Variants in ANTKMT observed in about 807,000 individuals in gnomAD.
ANTKMT encodes the protein adenine nucleotide translocase lysine methyltransferase, also known as adenine nucleotide translocase lysine N-methyltransferase.
A neutral mutation model predicts 20.7 loss-of-function variants in ANTKMT; 24 were observed. The ratio of observed to expected loss-of-function variants is 1.16; its 90% CI spans 0.84 to 1.63. The LOEUF (loss-of-function observed/expected upper bound fraction) is 1.63. Among genes scored for constraint, ANTKMT ranks in the 40% most tolerant of loss-of-function variants. ANTKMT has a pLI of 0.00. For synonymous variants in ANTKMT, 193 were observed against 161.2 expected, an observed-to-expected ratio of 1.20 and a Z score of -1.49; for missense variants, 428 against 334.8, an observed-to-expected ratio of 1.28 and a Z score of -2.17.
rs2040291640 is a variant in ANTKMT, at chr16:722,520, C to T, written c.671C>T (p.Ala224Val). Residue 224 changes from alanine (A) to valine (V), a missense_variant, in exon 5 of 5, where the codon GCC becomes GTC. Transcript: ENST00000569529. ...PIQAAPGPSS[A>V]PIPGGLISQA... is the part of the protein sequence containing the mutation. Reference sequence around the variant, plus strand: ...CAGGCTGCCCCCGGACCTAGTTCTGCCCCCATCCCGGGGGGCCTTATTTCT... The same window carrying T: ...CAGGCTGCCCCCGGACCTAGTTCTGTCCCCATCCCGGGGGGCCTTATTTCT... 6.2e-7 allele frequency: 1 copy of T among 1,611,388 alleles called. No individual in the cohort carries two copies. Among genetic ancestry groups the T allele is most frequent in the East Asian group, 2.2e-5 (1 of 44,844 alleles).
Position 722,551 on chromosome 16 carries a change from C to T in ANTKMT, c.702C>T (p.Ala234=), listed in dbSNP as rs750648757. The T allele has an allele frequency of 1.2e-6, 2 of 1,603,862 alleles. No individual in the cohort carries two copies. Among genetic ancestry groups the T allele is most frequent in the East Asian group, 2.2e-5 (1 of 44,630 alleles). The part of the protein sequence containing the change: ...APIPGGLISQ[A]S ...TCCCGGGGGGCCTTATTTCTCAGGC[C>T]AGCTGAGTATTAGACACGATAAAGA... The change falls in exon 5 of 5, where the codon GCC becomes GCT. Residue 234 remains alanine (A), a synonymous_variant. Coordinates refer to ENST00000569529, the MANE Select transcript of ANTKMT (RefSeq NM_023933.3).
rs759342283 is a variant in ANTKMT at position 722,112 on chromosome 16, CTG to C, written c.441_442del (p.Phe148ProfsTer4). ...AGCCTGAGGGACTGCCGCAACGTGT[CTG>C]TGTTCCTGGCCCCTAGCGTGGTAGG... On this transcript the variant is annotated frameshift_variant, in exon 4 of 5. Transcript: ENST00000569529. LOFTEE classifies it low-confidence loss of function (END_TRUNC). The C allele has an allele frequency of 5.6e-6, 9 of 1,609,220 alleles. No individual in the cohort carries two copies. The highest frequency in any genetic ancestry group is 1.3e-5 in the African/African-American group (1 of 74,968).
intron 3 of ANTKMT, 35 bp downstream of exon 3, chr16:721,976 C>A: frequency 6.4e-7 from 1 of 1,559,116 alleles, no homozygotes; most frequent in Non-Finnish European, 8.6e-7. Flanking sequence ...CGCTGACAGC[C>A]CAAGGTGCGG....
intron 4 of ANTKMT, 46 bp from the exon 5 acceptor site, chr16:722,263 A>ACCGGCC (rs765305191): frequency 2.5e-6 from 4 of 1,587,366 alleles, no homozygotes; most frequent in East Asian, 2.3e-5. Context: ...GCTGTTTTCT[A>ACCGGCC]CCGGCCCCGC....
Position 721,264 on chromosome 16 carries a change from G to C in ANTKMT, c.-11G>C. On this transcript the variant is annotated 5_prime_UTR_variant, in exon 1 of 5. Transcript: ENST00000569529. ...AGGACCTTGGGCGGACGAGCCGCGCGTCCCGCAGCCATGGAGCAGGACGAC... is the reference window on the plus strand; with the variant it reads ...AGGACCTTGGGCGGACGAGCCGCGCCTCCCGCAGCCATGGAGCAGGACGAC... 7.9e-7 allele frequency: 1 copy of C among 1,270,016 alleles called. No individual in the cohort carries two copies. The highest frequency in any genetic ancestry group is 9.9e-7 in the Non-Finnish European group (1 of 1,007,544). The allele number at this position is 1,270,016 out of a possible 1,614,324, so 78.7% of individuals were successfully genotyped here. A position where few individuals can be genotyped will look rare whatever the true frequency, so the allele number is the denominator to read the frequency against.
chr16:722,569 G>T lies in ANTKMT; in HGVS notation c.*12G>T, dbSNP rs757422151. On this transcript the variant is annotated 3_prime_UTR_variant, in exon 5 of 5. Coordinates refer to ENST00000569529, the MANE Select transcript of ANTKMT (RefSeq NM_023933.3). ...CTCAGGCCAGCTGAGTATTAGACACGATAAAGACTCTGTGGGTTCTATCCT... is the reference window on the plus strand; with the variant it reads ...CTCAGGCCAGCTGAGTATTAGACACTATAAAGACTCTGTGGGTTCTATCCT... The T allele has an allele frequency of 1.6e-4, 226 of 1,372,264 alleles. No homozygotes were observed. Among genetic ancestry groups the T allele is most frequent in the Non-Finnish European group, 2.1e-4 (220 of 1,030,910 alleles). 85.0% of individuals were successfully genotyped at this position (1,372,264 alleles called of 1,614,324 possible).
rs763369945 is a variant in ANTKMT at position 721,391 on chromosome 16, G to T, written c.117G>T (p.Ala39=). The T allele has an allele frequency of 7.7e-7, 1 of 1,294,370 alleles. No individual in the cohort carries two copies. 80.2% of individuals were successfully genotyped at this position (1,294,370 alleles called of 1,614,324 possible). Residue 39 remains alanine (A), a synonymous_variant, in exon 1 of 5, where the codon GCG becomes GCT. Transcript: ENST00000569529. ...GCTTGGCAGCCTACGCGGTGTGGGCGCTGCTGCTCCAGCCCGGCTTCCGGC... is the reference window on the plus strand; with the variant it reads ...GCTTGGCAGCCTACGCGGTGTGGGCTCTGCTGCTCCAGCCCGGCTTCCGGC... The part of the protein sequence containing the change: ...GSGLAAYAVW[A]LLLQPGFRRV...
In ANTKMT at chr16:721,658, C is replaced by A; in HGVS notation, c.223C>A (p.Arg75Ser). The change falls in exon 2 of 5, where the codon CGC becomes AGC. Residue 75 changes from arginine (R) to serine (S), a missense_variant. Arg to Ser is a moderately radical substitution (Grantham distance 110, BLOSUM62 -1). Coordinates refer to ENST00000569529, the MANE Select transcript of ANTKMT (RefSeq NM_023933.3). The part of the protein sequence containing the change: ...VEHVLSLLRG[R>S]PGKTVDLGSG... ...GCACGTGTTGTCGCTGCTGCGAGGA[C>A]GCCCCGGAAAAACGGTGGATCTGGG... The A allele has an allele frequency of 6.4e-7, 1 of 1,550,728 alleles. No individual in the cohort carries two copies. Among genetic ancestry groups the A allele is most frequent in the South Asian group, 1.2e-5 (1 of 84,144 alleles).
chr16:721,635 A>C lies in ANTKMT; in HGVS notation c.200A>C (p.His67Pro). Residue 67 changes from histidine to proline, a missense_variant, in exon 2 of 5, where the codon CAC (histidine) becomes CCC (proline). By Grantham distance (77) the His-to-Pro change is moderately conservative (BLOSUM62 -2). Transcript: ENST00000569529. The stretch of plus-strand genomic sequence containing the variant: ...GGCGCGAGCGCGCGGCAGGTGGAGC[A>C]CGTGTTGTCGCTGCTGCGAGGACGC... ...YVGASARQVE[H>P]VLSLLRGRPG... 6.5e-7 allele frequency: 1 copy of C among 1,547,968 alleles called. No individual in the cohort carries two copies. The highest frequency in any genetic ancestry group is 8.7e-7 in the Non-Finnish European group (1 of 1,146,954).
Position 721,798 on chromosome 16 carries a change from C to T in ANTKMT, c.268-3C>T. The T allele has an allele frequency of 6.5e-7, 1 of 1,542,918 alleles. No individual in the cohort carries two copies. Among genetic ancestry groups the T allele is most frequent in the South Asian group, 1.2e-5 (1 of 83,706 alleles). ...CTGGTTCCCACACTCTCGGTGCCCA[C>T]AGGTGCTGGCGGCCCACAGGTGCGG... On this transcript the variant is annotated splice_region_variant and splice_polypyrimidine_tract_variant and intron_variant, in intron 2 of 4. Coordinates refer to ENST00000569529, the MANE Select transcript of ANTKMT (RefSeq NM_023933.3).
chr16:722,013 G>A lies in ANTKMT; in HGVS notation c.409-71G>A, dbSNP rs1320689291. ...TGACACCTGCGAGGGCTGGGGGCCG[G>A]GACTCGGAAGCTGCGATGACCCGGT... On this transcript the variant is annotated intron_variant, in intron 3 of 4. Transcript: ENST00000569529. 3.9e-6 allele frequency: 6 copies of A among 1,552,000 alleles called. No homozygotes were observed. In the Admixed American group the frequency reaches 9.6e-5, roughly 25 times the overall value.
At position 721,659 on chromosome 16, in the gene ANTKMT, G is replaced by A; in HGVS notation, c.224G>A (p.Arg75His). The A allele has an allele frequency of 6.4e-7, 1 of 1,550,708 alleles. No individual in the cohort carries two copies. The highest frequency in any genetic ancestry group is 8.7e-7 in the Non-Finnish European group (1 of 1,148,080). ...CACGTGTTGTCGCTGCTGCGAGGAC[G>A]CCCCGGAAAAACGGTGGATCTGGGC... ...VEHVLSLLRG[R>H]PGKTVDLGSG... is the part of the protein sequence containing the mutation. Residue 75 changes from arginine (R) to histidine (H), a missense_variant, in exon 2 of 5, where the codon CGC becomes CAC. By Grantham distance (29) the Arg-to-His change is conservative. Transcript: ENST00000569529.
In ANTKMT at chr16:721,446, G is replaced by A. The variant is rs1303803313; in HGVS notation, c.162+10G>A. On this transcript the variant is annotated intron_variant, in intron 1 of 4. Coordinates refer to ENST00000569529, the MANE Select transcript of ANTKMT (RefSeq NM_023933.3). ...GCCGCTGCGGCTGCAGGTGCGGGGC[G>A]GGGCCAGGCCGGGCAGGGGAGCTCG... 37 of 1,320,652 alleles carry A rather than the reference G, an allele frequency of 2.8e-5. No homozygotes were observed. The South Asian group carries it at 7.4e-4, about 26-fold the overall frequency. 81.8% of individuals were successfully genotyped at this position (1,320,652 alleles called of 1,614,324 possible). A position where few individuals can be genotyped will look rare whatever the true frequency, so the allele number is the denominator to read the frequency against.
At position 722,427 on chromosome 16, in the gene ANTKMT, G is replaced by T; in HGVS notation, c.578G>T (p.Arg193Leu). The change falls in exon 5 of 5, where the codon CGA (arginine) becomes CTA (leucine). Residue 193 changes from arginine (R) to leucine (L), a missense_variant. Coordinates refer to ENST00000569529, the MANE Select transcript of ANTKMT (RefSeq NM_023933.3). ...ACCGCGGTTGGCGAGGGCCTGGACC[G>T]AGTATGGGCTTATGATGTTCCTGAG... ...PVTAVGEGLD[R>L]VWAYDVPEGG... 6.2e-7 allele frequency: 1 copy of T among 1,608,658 alleles called. No homozygotes were observed. The highest frequency in any genetic ancestry group is 2.2e-5 in the East Asian group (1 of 44,686).
intron 4 of ANTKMT, 69 bp from the exon 5 acceptor site, chr16:722,240 G>A: frequency 6.3e-7 from 1 of 1,585,252 alleles, no homozygotes; most frequent in Non-Finnish European, 8.6e-7. Flanking sequence ...TTGGGGCTAG[G>A]GGGGTGAGCG....
In ANTKMT at chr16:721,365, G is replaced by C; in HGVS notation, c.91G>C (p.Gly31Arg). ...GCTGCTGCAGGCGGCGGCCGGCTCGGGCTTGGCAGCCTACGCGGTGTGGGC... is the reference window on the plus strand; with the variant it reads ...GCTGCTGCAGGCGGCGGCCGGCTCGCGCTTGGCAGCCTACGCGGTGTGGGC... The part of the protein sequence containing the change: ...LELLQAAAGS[G>R]LAAYAVWALL... The change falls in exon 1 of 5, where the codon GGC becomes CGC. Residue 31 changes from glycine (G) to arginine (R), a missense_variant. By Grantham distance (125) the Gly-to-Arg change is moderately radical. Coordinates refer to ENST00000569529, the MANE Select transcript of ANTKMT (RefSeq NM_023933.3). The C allele has an allele frequency of 7.5e-7, 1 of 1,333,724 alleles. No homozygotes were observed. The highest frequency in any genetic ancestry group is 3.7e-5 in the Admixed American group (1 of 26,692). The allele number at this position is 1,333,724 out of a possible 1,614,324, so 82.6% of individuals were successfully genotyped here.
Position 722,071 on chromosome 16 carries a change from T to C in ANTKMT, c.409-13T>C. The C allele has an allele frequency of 6.2e-7, 1 of 1,601,450 alleles. No homozygotes were observed. Among genetic ancestry groups the C allele is most frequent in the Non-Finnish European group, 8.5e-7 (1 of 1,176,446 alleles). On this transcript the variant is annotated splice_polypyrimidine_tract_variant and intron_variant, in intron 3 of 4. Coordinates refer to ENST00000569529, the MANE Select transcript of ANTKMT (RefSeq NM_023933.3). Reference sequence around the variant, plus strand: ...AGGCCTCTCCCCGGCCGGGGCGACTTCTCTTCCGGCAGGTGAGCCTGAGGG... The same window carrying C: ...AGGCCTCTCCCCGGCCGGGGCGACTCCTCTTCCGGCAGGTGAGCCTGAGGG...
intron 4 of ANTKMT, 85 bp downstream of exon 4, chr16:722,219 G>T: frequency 6.3e-7 from 1 of 1,586,328 alleles, no homozygotes. Flanking sequence ...CCTGCCTGGT[G>T]GGTGCTAGGC....
chr16:721,773 C>G (rs2040238632), intron 2 of ANTKMT, 28 bp from the exon 3 acceptor site: 1 of 1,536,304 alleles, frequency 6.5e-7, no homozygotes, highest in Non-Finnish European at 8.8e-7. Flanking sequence ...TGCCCACATC[C>G]TGGTTCCCAC....
Sources: allele counts gnomAD v4.1 joint callset, GRCh38; gene constraint gnomAD v4.1.1; transcripts MANE v1.5; gene names NCBI Gene and HGNC (gene_info 2026-07-23, HGNC 2026-07-21).